DNAJA3: variants seen among roughly 807,000 people sequenced by gnomAD.
DNAJA3 encodes DnaJ heat shock protein family (Hsp40) member A3.
A neutral mutation model predicts 54.9 loss-of-function variants in DNAJA3; 29 were observed. The observed-to-expected ratio is 0.53, with a 90% CI of 0.39 to 0.72. The LOEUF is 0.72. DNAJA3 is among the 30% of genes least tolerant of loss of function. The pLI is 0.00. For missense variants in DNAJA3, 708 were observed against 639.4 expected (o/e 1.11, Z -1.16); for synonymous variants, 302 against 251.4 (o/e 1.20, Z -1.90).
At chr16:4,439,052 C>T (rs964984155) in intron 3 of DNAJA3, among the ~76,000 whole-genome samples, 1 of 149,896 alleles carries the variant, frequency 6.7e-6, no homozygotes, top group East Asian at 1.9e-4. Context: ...GAGTTGAGGT[C>T]TCAGCCAGGT....
Position 4,434,461 on chromosome 16 carries a change from A to G in DNAJA3, c.289A>G (p.Ile97Val). Residue 97 changes from isoleucine to valine, a missense_variant, in exon 2 of 12, where the codon ATA (isoleucine) becomes GTA (valine). Ile to Val is a conservative substitution (Grantham distance 29, BLOSUM62 3). Coordinates refer to ENST00000262375, the MANE Select transcript of DNAJA3 (RefSeq NM_005147.6). ...TTTGGCCAAAGAAGATTATTATCAG[A>G]TATTAGGAGTGCCTCGAAATGCCAG... is the stretch of plus-strand genomic sequence containing the variant. Reference protein sequence around the residue: ...APLAKEDYYQILGVPRNASQK... With the variant: ...APLAKEDYYQVLGVPRNASQK... The G allele has an allele frequency of 6.2e-7, 1 of 1,614,060 alleles. No individual in the cohort carries two copies. The highest frequency in any genetic ancestry group is 8.5e-7 in the Non-Finnish European group (1 of 1,180,026).
At chr16:4,448,313 C>T (rs1239594246) in intron 8 of DNAJA3, among the ~76,000 whole-genome samples, 1 of 150,074 alleles carries the variant, frequency 6.7e-6, no homozygotes, top group African/African-American at 2.5e-5. Flanking sequence ...GCATGAGCCA[C>T]TGCGCCCGGC....
At chr16:4,452,387 G>A (rs1010846149) in intron 10 of DNAJA3, among the ~76,000 whole-genome samples, 1 of 152,098 alleles carries the variant, frequency 6.6e-6, no homozygotes, top group Non-Finnish European at 1.5e-5. Context: ...CCCTGGGTGG[G>A]TTCGTGGGTG....
chr16:4,448,911 T>G, intron 9 of DNAJA3, 63 bp downstream of exon 9: 1 of 1,303,270 alleles, frequency 7.7e-7, no homozygotes, highest in Non-Finnish European at 1.1e-6. Flanking sequence ...CCCTTGGAGC[T>G]CTGTGGCTTG....
intron 8 of DNAJA3, 145 bp downstream of exon 8, chr16:4,447,159 G>C: frequency 2.1e-6 from 2 of 947,050 alleles, no homozygotes; most frequent in Non-Finnish European, 3.1e-6. Flanking sequence ...GGAATTTTAG[G>C]CTGCTCCTTG....
chr16:4,455,158 G>A (rs1003377565), intron 11 of DNAJA3, among the ~76,000 whole-genome samples: 9 of 152,196 alleles, frequency 5.9e-5, no homozygotes, highest in African/African-American at 2.2e-4. Flanking sequence ...GCCAGCCTCT[G>A]GCTGTGTCTT....
chr16:4,430,064 C>T (rs1330814548), intron 1 of DNAJA3, among the ~76,000 whole-genome samples: 1 of 151,670 alleles, frequency 6.6e-6, no homozygotes, highest in African/African-American at 2.4e-5. Flanking sequence ...GTCCTAGCTA[C>T]TCAGGAGGTT....
rs1160171327 is a variant in DNAJA3, at chr16:4,455,611, G to A, written c.*79G>A. The stretch of plus-strand genomic sequence containing the variant: ...CCTCCAAGGGCCAGGGCACCTGGGA[G>A]ACGGGAGGATTCCAGAACAGCAGCA... On this transcript the variant is annotated 3_prime_UTR_variant, in exon 12 of 12. Coordinates refer to ENST00000262375, the MANE Select transcript of DNAJA3 (RefSeq NM_005147.6). 1.3e-5 allele frequency: 20 copies of A among 1,550,852 alleles called. No individual in the cohort carries two copies. The highest frequency in any genetic ancestry group is 1.7e-5 in the Non-Finnish European group (19 of 1,146,298).
At position 4,446,872 on chromosome 16, in the gene DNAJA3, A is replaced by G. The variant is rs374888222; in HGVS notation, c.997-14A>G. ...GGACTTATCTTCACATGCATCTGTC[A>G]TGTTTGGCCTTAGGTGCAGAAAAGC... is the stretch of plus-strand genomic sequence containing the variant. On this transcript the variant is annotated splice_polypyrimidine_tract_variant and intron_variant, in intron 7 of 11. Transcript: ENST00000262375. The G allele has an allele frequency of 3.0e-5, 48 of 1,613,544 alleles. No homozygotes were observed. In the African/African-American group the frequency reaches 4.3e-4, roughly 14 times the overall value.
chr16:4,427,611 A>T (rs538061875), intron 1 of DNAJA3, among the ~76,000 whole-genome samples: 1 of 152,206 alleles, frequency 6.6e-6, no homozygotes, highest in African/African-American at 2.4e-5. Flanking sequence ...TGTTCTGGGC[A>T]CTGAGGAGAT....
intron 3 of DNAJA3, among the ~76,000 whole-genome samples, chr16:4,439,343 G>A (rs1434038219): frequency 6.7e-6 from 1 of 149,684 alleles, no homozygotes; most frequent in Non-Finnish European, 1.5e-5. Flanking sequence ...GCAACAGAGC[G>A]AGACTCCCAA....
chr16:4,443,393 G>C (rs1441870295), intron 6 of DNAJA3, among the ~76,000 whole-genome samples: 1 of 152,078 alleles, frequency 6.6e-6, no homozygotes, highest in Non-Finnish European at 1.5e-5. Flanking sequence ...CACTTTGCAT[G>C]TCACAATGGG....
intron 3 of DNAJA3, among the ~76,000 whole-genome samples, chr16:4,439,265 G>A (rs2056810854): frequency 6.6e-6 from 1 of 151,876 alleles, no homozygotes; most frequent in East Asian, 1.9e-4. Flanking sequence ...GGAGGCTGAG[G>A]CAGGAGAATT....
chr16:4,430,167 G>T (rs1401629866), intron 1 of DNAJA3, among the ~76,000 whole-genome samples: 1 of 151,760 alleles, frequency 6.6e-6, no homozygotes, highest in African/African-American at 2.4e-5. Context: ...TTTTGAAAAG[G>T]TCATTAACTC....
At chr16:4,430,560 T>C (rs1031134917) in intron 1 of DNAJA3, 6 of 145,390 alleles carry the variant, frequency 4.1e-5, no homozygotes, top group Admixed American at 2.8e-4. Flanking sequence ...CCAAACTCCC[T>C]GTCAAAAAAA....
At chr16:4,450,010 T>C (rs936178965) in intron 9 of DNAJA3, 15 of 161,318 alleles carry the variant, frequency 9.3e-5, no homozygotes, top group Non-Finnish European at 1.6e-4. Context: ...GGATGGTCTC[T>C]ATCTCCTGAC....
intron 1 of DNAJA3, among the ~76,000 whole-genome samples, chr16:4,432,957 C>G (rs147028209): frequency 3.3e-5 from 5 of 151,886 alleles, no homozygotes; most frequent in African/African-American, 1.2e-4. Flanking sequence ...CTGGCTAACA[C>G]GGCGAAACCC....
intron 2 of DNAJA3, among the ~76,000 whole-genome samples, chr16:4,435,595 G>C (rs1038247423): frequency 6.6e-6 from 1 of 152,124 alleles, no homozygotes; most frequent in African/African-American, 2.4e-5. Flanking sequence ...GTATCCTTTT[G>C]TGTGTCTTGG....
intron 2 of DNAJA3, 65 bp downstream of exon 2, chr16:4,434,582 C>G: frequency 6.3e-7 from 1 of 1,576,252 alleles, no homozygotes; most frequent in Non-Finnish European, 8.6e-7. Flanking sequence ...CCCATGTGAT[C>G]CTGATCAGTA....
Sources: allele counts gnomAD v4.1 joint callset (sites outside exome capture counted in the v4.1 genomes callset), GRCh38; gene constraint gnomAD v4.1.1; transcripts MANE v1.5; gene names NCBI Gene and HGNC (gene_info 2026-07-23, HGNC 2026-07-21).